TNS2: variants seen among roughly 807,000 people sequenced by gnomAD.
The protein encoded by TNS2 is tensin-2.
In TNS2, 77 loss-of-function variants were observed where a neutral mutation model predicts 155.7. The ratio of observed to expected loss-of-function variants is 0.49; its 90% CI spans 0.41 to 0.60. TNS2 has a LOEUF of 0.60. TNS2 is among the 20% of genes least tolerant of loss of function. The probability of loss-of-function intolerance (pLI) is 0.00; values close to 1 mark genes in which losing one functional copy is unlikely to be tolerated. For missense variants in TNS2, 1,703 were observed against 1,868.8 expected (o/e 0.91, Z 1.64); for synonymous variants, 726 against 763.9 (o/e 0.95, Z 0.82).
At chr12:53,053,706 A>C in intron 4 of TNS2, 68 bp from the exon 5 acceptor site, 2 of 1,590,256 alleles carry the variant, frequency 1.3e-6, no homozygotes, top group Non-Finnish European at 1.7e-6. Flanking sequence ...CCCTGTCCCC[A>C]AGGCCCACAT....
At position 53,053,396 on chromosome 12, in the gene TNS2, T is replaced by A. The variant is rs1292034548; in HGVS notation, c.223-15T>A. On this transcript the variant is annotated splice_polypyrimidine_tract_variant and intron_variant, in intron 3 of 28. Coordinates refer to ENST00000314250, the MANE Select transcript of TNS2 (RefSeq NM_170754.4). Reference sequence around the variant, plus strand: ...CTTCACCAGGAGCTCAGTTCCTTACTCGGTCCCCTTCCAGGTGACTTCAGC... The same window carrying A: ...CTTCACCAGGAGCTCAGTTCCTTACACGGTCCCCTTCCAGGTGACTTCAGC... 6.2e-7 allele frequency: 1 copy of A among 1,613,890 alleles called. No homozygotes were observed.
intron 4 of TNS2, 59 bp downstream of exon 4, chr12:53,053,508 G>T: frequency 1.9e-6 from 3 of 1,604,936 alleles, no homozygotes; most frequent in Non-Finnish European, 2.6e-6. Context: ...GTGTCCAGAG[G>T]TCTGGTGGCT....
intron 17 of TNS2, 53 bp from the exon 18 acceptor site, chr12:53,058,994 C>T (rs1944268892): frequency 6.5e-7 from 1 of 1,539,606 alleles, no homozygotes; most frequent in African/African-American, 1.4e-5. Flanking sequence ...AATTTTCTCT[C>T]TCCCTCCCTG....
intron 3 of TNS2, chr12:53,053,059 T>A (rs943769118): frequency 1.6e-5 from 6 of 370,770 alleles, no homozygotes; most frequent in African/African-American, 1.1e-4. Flanking sequence ...GGAGCTGGCT[T>A]GGGGGAGCTG....
Position 53,050,710 on chromosome 12 carries a change from C to A in TNS2, c.75+450C>A, listed in dbSNP as rs189467743. Among the ~76,000 whole-genome samples, 60 of 152,262 alleles carry A rather than the reference C, an allele frequency of 3.9e-4. No homozygotes were observed. The highest frequency in any genetic ancestry group is 6.5e-4 in the Admixed American group (10 of 15,286). On this transcript the variant is annotated intron_variant, in intron 1 of 28. Coordinates refer to ENST00000314250, the MANE Select transcript of TNS2 (RefSeq NM_170754.4). The surrounding 1 kb of genome is among the most constrained non-coding windows in gnomAD (Gnocchi z 4.7). ...GAACTGGAGGTTTGCTTTCCACTGA[C>A]AACATCCATATCTGCTGCTAATGCC...
chr12:53,053,064 G>A, intron 3 of TNS2: 1 of 378,360 alleles, frequency 2.6e-6, no homozygotes, highest in South Asian at 2.2e-5. Context: ...TGGCTTGGGG[G>A]AGCTGTGTGC....
intron 8 of TNS2, 58 bp downstream of exon 8, chr12:53,055,294 C>T: frequency 6.4e-7 from 1 of 1,570,456 alleles, no homozygotes; most frequent in Non-Finnish European, 8.7e-7. Context: ...CCCAGAAGCC[C>T]CCAGCTTCCT....
At chr12:53,049,335 G>T, upstream of TNS2, 1 of 1,129,766 alleles carries the variant, frequency 8.9e-7, no homozygotes, top group South Asian at 1.5e-5. Context: ...AAGAGGGCTA[G>T]GGATCTGTGA....
chr12:53,055,317 T>C (rs1944108417), intron 8 of TNS2, 81 bp downstream of exon 8: 3 of 1,477,506 alleles, frequency 2.0e-6, no homozygotes, highest in Admixed American at 3.7e-5. Flanking sequence ...TTATTAATAG[T>C]AGCAATTGGC....
chr12:53,057,700 C>T (rs1319467857), intron 12 of TNS2, 21 bp downstream of exon 12: 2 of 1,613,650 alleles, frequency 1.2e-6, no homozygotes, highest in Admixed American at 1.7e-5. Flanking sequence ...CTGAGATGTG[C>T]TCCCTAGGGA....
At position 53,058,652 on chromosome 12, in the gene TNS2, A is replaced by G. The variant is rs1944253181; in HGVS notation, c.1291+15A>G. 3.1e-6 allele frequency: 5 copies of G among 1,613,904 alleles called. No homozygotes were observed. The highest frequency in any genetic ancestry group is 2.7e-5 in the African/African-American group (2 of 74,888). ...GAAGATCAAAGGTAAGAGCAGGGAC[A>G]TGGGCTGGGGACTGAGGGCCGCCTC... On this transcript the variant is annotated intron_variant, in intron 16 of 28. Transcript: ENST00000314250.
At chr12:53,054,924 G>A (rs1037818743) in intron 7 of TNS2, among the ~76,000 whole-genome samples, 1 of 146,832 alleles carries the variant, frequency 6.8e-6, no homozygotes, top group Admixed American at 6.9e-5. Context: ...CAAGACTCCA[G>A]GGCTCAAGCG....
chr12:53,053,686 C>A, intron 4 of TNS2, 88 bp from the exon 5 acceptor site: 1 of 1,564,208 alleles, frequency 6.4e-7, no homozygotes, highest in South Asian at 1.2e-5. Context: ...AGGACACTGA[C>A]ATTCCCTTCC....
chr12:53,053,633 TG>T (rs1327065687), intron 4 of TNS2, 140 bp from the exon 5 acceptor site: 5 of 1,396,498 alleles, frequency 3.6e-6, no homozygotes, highest in Admixed American at 2.2e-5. Flanking sequence ...TTGGGCCTGC[TG>T]GGGGTAGGAC....
At chr12:53,061,329 G>A in intron 20 of TNS2, 51 bp from the exon 21 acceptor site, 1 of 1,612,910 alleles carries the variant, frequency 6.2e-7, no homozygotes, top group Non-Finnish European at 8.5e-7. Context: ...ATGTAGCATG[G>A]ATGGGGACCC....
chr12:53,055,915 A>C, intron 10 of TNS2, 70 bp downstream of exon 10: 1 of 1,522,778 alleles, frequency 6.6e-7, no homozygotes, highest in South Asian at 1.2e-5. Context: ...TTAGGAACCC[A>C]TCTCCCCTGG....
At chr12:53,054,831 C>T (rs1944083537) in intron 7 of TNS2, among the ~76,000 whole-genome samples, 1 of 150,086 alleles carries the variant, frequency 6.7e-6, no homozygotes, top group African/African-American at 2.5e-5. Flanking sequence ...GTCACTCACG[C>T]CCAGCCAATT....
At position 53,054,286 on chromosome 12, in the gene TNS2, C is replaced by T; in HGVS notation, c.367C>T (p.Pro123Ser). 8 of 1,613,142 alleles carry T rather than the reference C, an allele frequency of 5.0e-6. No homozygotes were observed. The highest frequency in any genetic ancestry group is 6.8e-6 in the Non-Finnish European group (8 of 1,179,908). Reference sequence around the variant, plus strand: ...CCTCCCCAGGAGCTTCAGCCTGGACCCGCTCATGGAGCGGCGCTGGGACTT... The same window carrying T: ...CCTCCCCAGGAGCTTCAGCCTGGACTCGCTCATGGAGCGGCGCTGGGACTT... ...STLPRSFSLDPLMERRWDLDL... is the reference protein window; with the variant it reads ...STLPRSFSLDSLMERRWDLDL... The change falls in exon 7 of 29, where the codon CCG becomes TCG. Residue 123 changes from proline (P) to serine (S), a missense_variant. Physicochemically the swap from Pro to Ser is moderately conservative, Grantham distance 74 (BLOSUM62 -1). Transcript: ENST00000314250.
chr12:53,057,446 C>T (rs752260815), intron 11 of TNS2, 121 bp from the exon 12 acceptor site: 93 of 811,818 alleles, frequency 1.1e-4, no homozygotes, highest in East Asian at 1.0e-3. Context: ...TCTGGTGACC[C>T]GGAAGATGGG....
Sources: allele counts gnomAD v4.1 joint callset (sites outside exome capture counted in the v4.1 genomes callset), GRCh38; gene constraint gnomAD v4.1.1; non-coding constraint Gnocchi (gnomAD v3.1); transcripts MANE v1.5; gene names NCBI Gene and HGNC (gene_info 2026-07-23, HGNC 2026-07-21).